The following KIF26A variants were observed in gnomAD, a reference collection of about 807,000 sequenced individuals.
KIF26A encodes the protein kinesin family member 26A.
In KIF26A, 74 loss-of-function variants were observed where a neutral mutation model predicts 126.0. That is an observed-to-expected ratio of 0.59 (90% confidence interval 0.49 to 0.71). The LOEUF is 0.71. KIF26A is among the 30% of genes least tolerant of loss of function. The pLI is 0.00. For synonymous variants in KIF26A, 1,445 were observed against 1,232.7 expected (o/e 1.17, Z -3.61); for missense variants, 2,984 against 2,763.3 (o/e 1.08, Z -1.79).
intron 3 of KIF26A, among the ~76,000 whole-genome samples, chr14:104,153,189 G>A (rs537866703): frequency 3.9e-5 from 6 of 152,234 alleles, no homozygotes; most frequent in African/African-American, 1.4e-4. Context: ...CTGGTGAGGT[G>A]GCCTGTCTGG....
intron 5 of KIF26A, among the ~76,000 whole-genome samples, chr14:104,171,113 G>A (rs1462663075): frequency 2.0e-5 from 3 of 152,198 alleles, no homozygotes; most frequent in Non-Finnish European, 4.4e-5. Flanking sequence ...TTCTTATCTT[G>A]CCCGTCCCCG....
intron 3 of KIF26A, among the ~76,000 whole-genome samples, chr14:104,155,691 C>T (rs1051681786): frequency 2.6e-5 from 4 of 152,252 alleles, no homozygotes; most frequent in Admixed American, 1.3e-4. Flanking sequence ...GGCGGTGTCC[C>T]GGCAGCGCGT....
Position 104,176,224 on chromosome 14 carries a change from C to A in KIF26A, c.3436C>A (p.Pro1146Thr), listed in dbSNP as rs750773447. The A allele has an allele frequency of 1.4e-4, 217 of 1,601,202 alleles. No homozygotes were observed. Among genetic ancestry groups the A allele is most frequent in the Non-Finnish European group, 1.8e-4 (212 of 1,175,042 alleles). Reference protein sequence around the residue: ...DSLAGLDPGGPPALDGSLGDG... With the variant: ...DSLAGLDPGGTPALDGSLGDG... Reference sequence around the variant, plus strand: ...GCTGGCAGGGCTTGACCCTGGGGGCCCCCCTGCCCTGGATGGTTCCCTGGG... The same window carrying A: ...GCTGGCAGGGCTTGACCCTGGGGGCACCCCTGCCCTGGATGGTTCCCTGGG... The change falls in exon 12 of 15, where the codon CCC becomes ACC. Residue 1146 changes from proline to threonine, a missense_variant. Coordinates refer to ENST00000423312, the MANE Select transcript of KIF26A (RefSeq NM_015656.2).
chr14:104,160,993 C>T lies in KIF26A; in HGVS notation c.923+3051C>T, dbSNP rs538674184. On this transcript the variant is annotated intron_variant, in intron 4 of 14. Coordinates refer to ENST00000423312, the MANE Select transcript of KIF26A (RefSeq NM_015656.2). ...CCAGGCCCATGGACGGTCAGGCTGG[C>T]ACCCAGCAGAAGTGCAGCGCCTGCG... 7.2e-5 allele frequency among the ~76,000 whole-genome samples: 11 copies of T among 152,170 alleles called. No individual in the cohort carries two copies. In the South Asian group the frequency reaches 2.1e-3, roughly 29 times the overall value.
Position 104,152,397 on chromosome 14 carries a change from A to G in KIF26A, c.671A>G (p.Gln224Arg), listed in dbSNP as rs1474056422. ...CTGAGCACGGTCACCATCCAGGCCCAGCAGTGCCTGGAGGGCATGTGGAGT... is the reference window on the plus strand; with the variant it reads ...CTGAGCACGGTCACCATCCAGGCCCGGCAGTGCCTGGAGGGCATGTGGAGT... ...GALSTVTIQA[Q>R]QCLEGMWSVS... Residue 224 changes from glutamine (Q) to arginine (R), a missense_variant, in exon 3 of 15, where the codon CAG (glutamine) becomes CGG (arginine). Transcript: ENST00000423312. This position sits in a 1 kb window ranked among gnomAD's most constrained non-coding sequence, Gnocchi z 5.9. 1.3e-6 allele frequency: 2 copies of G among 1,598,766 alleles called. No homozygotes were observed. Among genetic ancestry groups the G allele is most frequent in the Admixed American group, 3.4e-5 (2 of 58,172 alleles).
At chr14:104,179,171 G>A in intron 13 of KIF26A, 65 bp from the exon 14 acceptor site, 2 of 1,404,826 alleles carry the variant, frequency 1.4e-6, no homozygotes, top group Non-Finnish European at 1.8e-6. Flanking sequence ...GGCCACATCA[G>A]GGCTGCTTGG....
At chr14:104,178,240 G>A (rs1392871714) in intron 12 of KIF26A, among the ~76,000 whole-genome samples, 3 of 152,170 alleles carry the variant, frequency 2.0e-5, no homozygotes, top group African/African-American at 4.8e-5. Context: ...CCCGGGCCTC[G>A]TGCCTCCCTG....
chr14:104,155,357 GCT>G (rs2037766961), intron 3 of KIF26A, among the ~76,000 whole-genome samples: 1 of 152,212 alleles, frequency 6.6e-6, no homozygotes, highest in Admixed American at 6.5e-5. Flanking sequence ...GGTTGCAGGT[GCT>G]CTCTGCTGGC....
At position 104,173,521 on chromosome 14, in the gene KIF26A, C is replaced by T. The variant is rs767798593; in HGVS notation, c.1867+8C>T. The T allele has an allele frequency of 3.2e-6, 5 of 1,546,508 alleles. No individual in the cohort carries two copies. The highest frequency in any genetic ancestry group is 2.5e-5 in the South Asian group (2 of 81,546). On this transcript the variant is annotated splice_region_variant and intron_variant, in intron 9 of 14. Coordinates refer to ENST00000423312, the MANE Select transcript of KIF26A (RefSeq NM_015656.2). ...AGTGCGGCCGGGGAGGAAGTAGGTG[C>T]CACACCCGCACTCCCGGGCCCCTGT...
chr14:104,175,824 CCTG>C lies in KIF26A; in HGVS notation c.3039_3041del (p.Leu1014del). On this transcript the variant is annotated inframe_deletion, in exon 12 of 15. Transcript: ENST00000423312. ...CTGGCAGTCGCTGTCCGGAGCGGGGCCTGCTCACCACCACAGTGACCCTGCAGC... is the reference window on the plus strand; with the variant it reads ...CTGGCAGTCGCTGTCCGGAGCGGGGCCTCACCACCACAGTGACCCTGCAGC... The C allele has an allele frequency of 6.5e-7, 1 of 1,538,746 alleles. No homozygotes were observed. The highest frequency in any genetic ancestry group is 8.7e-7 in the Non-Finnish European group (1 of 1,147,088).
Position 104,152,588 on chromosome 14 carries a change from T to C in KIF26A, c.735+127T>C. On this transcript the variant is annotated intron_variant, in intron 3 of 14. Transcript: ENST00000423312. This position sits in a 1 kb window ranked among gnomAD's most constrained non-coding sequence, Gnocchi z 5.9. ...CCCTGAAGGGAGGGGACGGCGGGCA[T>C]GGGGGTTCCTGACACTCCTGAGGCC... is the stretch of plus-strand genomic sequence containing the variant. 1 of 857,540 alleles carries C rather than the reference T, an allele frequency of 1.2e-6. No homozygotes were observed. The highest frequency in any genetic ancestry group is 1.7e-6 in the Non-Finnish European group (1 of 575,760). The allele number at this position is 857,540 out of a possible 1,614,324, so 53.1% of individuals were successfully genotyped here.
chr14:104,142,573 G>A (rs2037646967), intron 2 of KIF26A, among the ~76,000 whole-genome samples: 1 of 152,094 alleles, frequency 6.6e-6, no homozygotes, highest in Admixed American at 6.5e-5. Context: ...TGGCCTCAGG[G>A]GCCCCTTCTC....
rs199943086 is a variant in KIF26A, at chr14:104,171,854, C to A, written c.1245C>A (p.Ser415Arg). Reference protein sequence around the residue: ...LYDPAAGPPGSAGPRRAATAA... With the variant: ...LYDPAAGPPGRAGPRRAATAA... ...ATCCCGCCGCCGGTCCCCCAGGCAG[C>A]GCAGGCCCCCGGCGAGCCGCCACTG... The change falls in exon 6 of 15, where the codon AGC becomes AGA. Residue 415 changes from serine (S) to arginine (R), a missense_variant. Physicochemically the swap from Ser to Arg is moderately radical, Grantham distance 110. Transcript: ENST00000423312. 380 of 1,554,592 alleles carry A rather than the reference C, an allele frequency of 2.4e-4. 1 individual carries two copies. In the African/African-American group the frequency reaches 4.8e-3, roughly 20 times the overall value.
At chr14:104,174,642 CTG>C (rs1019626603) in intron 11 of KIF26A, among the ~76,000 whole-genome samples, 3 of 152,198 alleles carry the variant, frequency 2.0e-5, no homozygotes, top group Admixed American at 6.5e-5. Flanking sequence ...GGACCCCTCT[CTG>C]GGGCTGGAGG....
Position 104,179,971 on chromosome 14 carries a change from G to A in KIF26A, c.*181G>A, listed in dbSNP as rs562619447. 142 of 647,682 alleles carry A rather than the reference G, an allele frequency of 2.2e-4. 1 individual carries two copies. The highest frequency in any genetic ancestry group is 1.2e-3 in the African/African-American group (63 of 53,838). 40.1% of individuals were successfully genotyped at this position (647,682 alleles called of 1,614,324 possible). A position where few individuals can be genotyped will look rare whatever the true frequency, so the allele number is the denominator to read the frequency against. The stretch of plus-strand genomic sequence containing the variant: ...GGGCCGGCCACGCGGTGGACAGAGC[G>A]AGGGTGCCAGGGTGACCAGAAGACC... On this transcript the variant is annotated 3_prime_UTR_variant, in exon 15 of 15. Transcript: ENST00000423312.
At chr14:104,145,759 A>C (rs543258374) in intron 2 of KIF26A, among the ~76,000 whole-genome samples, 1 of 152,202 alleles carries the variant, frequency 6.6e-6, no homozygotes, top group African/African-American at 2.4e-5. Context: ...CCTGCCGCCA[A>C]CGTGGCCTCC....
chr14:104,168,461 G>A (rs942911179), intron 5 of KIF26A, among the ~76,000 whole-genome samples: 1 of 152,214 alleles, frequency 6.6e-6, no homozygotes, highest in African/African-American at 2.4e-5. Context: ...TGGGGCATAG[G>A]GGCTCTGGGG....
chr14:104,166,744 C>T (rs2141109589), intron 4 of KIF26A, 115 bp from the exon 5 acceptor site: 1 of 1,046,978 alleles, frequency 9.6e-7, no homozygotes, highest in East Asian at 2.8e-5. Context: ...GACTGGGTTT[C>T]CTGGGATGGT....
At chr14:104,165,144 TC>T (rs2037874183) in intron 4 of KIF26A, among the ~76,000 whole-genome samples, 1 of 151,886 alleles carries the variant, frequency 6.6e-6, no homozygotes, top group African/African-American at 2.4e-5. Flanking sequence ...TCTGTGTGTT[TC>T]TGTATGCATG....
Sources: allele counts gnomAD v4.1 joint callset (sites outside exome capture counted in the v4.1 genomes callset), GRCh38; gene constraint gnomAD v4.1.1; non-coding constraint Gnocchi (gnomAD v3.1); transcripts MANE v1.5; gene names NCBI Gene and HGNC (gene_info 2026-07-23, HGNC 2026-07-21).